Variants in ZFHX4 observed in about 807,000 individuals in gnomAD.
ZFHX4 encodes zinc finger homeobox 4.
Under a neutral mutation model 267.6 loss-of-function variants are expected in ZFHX4, and 56 were observed. The ratio of observed to expected loss-of-function variants is 0.21; its 90% CI spans 0.17 to 0.26. The LOEUF is 0.26. Among genes scored for constraint, ZFHX4 ranks in the 10% least tolerant of loss-of-function variants. The pLI is 1.00. For synonymous variants in ZFHX4, 1,778 were observed against 1,665.6 expected, an observed-to-expected ratio of 1.07 and a Z score of -1.64; for missense variants, 4,332 against 4,420.0, an observed-to-expected ratio of 0.98 and a Z score of 0.56.
chr8:76,722,225 T>A (rs1808741150), intron 3 of ZFHX4, among the ~76,000 whole-genome samples: 2 of 152,068 alleles, frequency 1.3e-5, no homozygotes, highest in Admixed American at 6.6e-5. Flanking sequence ...ACTGTTAAAA[T>A]GAGTTAAGGG....
intron 3 of ZFHX4, chr8:76,733,261 CA>C (rs1173709598): frequency 1.3e-5 from 2 of 152,084 alleles, no homozygotes; most frequent in Non-Finnish European, 2.9e-5. Flanking sequence ...TCAGTTTTGC[CA>C]ATCGTTTTTT....
chr8:76,854,373 C>G lies in ZFHX4; in HGVS notation c.7452C>G (p.Asn2484Lys). 1.9e-6 allele frequency: 3 copies of G among 1,613,918 alleles called. No homozygotes were observed. Among genetic ancestry groups the G allele is most frequent in the Admixed American group, 1.7e-5 (1 of 60,004 alleles). The change falls in exon 10 of 11, where the codon AAC becomes AAG. Residue 2484 changes from asparagine (N) to lysine (K), a missense_variant. Transcript: ENST00000651372. ...PLQISMTSLQNSLPPQLLQYQ... is the reference protein window; with the variant it reads ...PLQISMTSLQKSLPPQLLQYQ... Reference sequence around the variant, plus strand: ...AAATTTCCATGACGTCTCTCCAGAACAGTCTACCTCCACAGTTACTACAAT... The same window carrying G: ...AAATTTCCATGACGTCTCTCCAGAAGAGTCTACCTCCACAGTTACTACAAT...
At chr8:76,824,300 CAG>C (rs1811729576) in intron 4 of ZFHX4, among the ~76,000 whole-genome samples, 5 of 152,150 alleles carry the variant, frequency 3.3e-5, no homozygotes, top group Admixed American at 3.3e-4. Flanking sequence ...GACTGCAACA[CAG>C]GGAATAATCT....
At chr8:76,800,450 T>G (rs1811090203) in intron 4 of ZFHX4, among the ~76,000 whole-genome samples, 1 of 152,174 alleles carries the variant, frequency 6.6e-6, no homozygotes, top group Admixed American at 6.5e-5. Flanking sequence ...TCGGTTTCAC[T>G]TGAAGATAGG....
chr8:76,778,580 ATC>A, intron 4 of ZFHX4, 141 bp downstream of exon 4: 1 of 701,766 alleles, frequency 1.4e-6, no homozygotes, highest in Non-Finnish European at 2.5e-6. Context: ...GCAGCTCTTA[ATC>A]TCTCAGAAAT....
rs534636190 is a variant in ZFHX4, at chr8:76,790,113, G to T, written c.3325+11674G>T. On this transcript the variant is annotated intron_variant, in intron 4 of 10. Transcript: ENST00000651372. ...CAATTTGTTCTGTACATCTGAATGT[G>T]GTTTTAGAAATTGTTTATGTATAAT... 8.5e-5 allele frequency among the ~76,000 whole-genome samples: 13 copies of T among 152,140 alleles called. No individual in the cohort carries two copies. The East Asian group carries it at 1.2e-3, about 14-fold the overall frequency.
intron 3 of ZFHX4, among the ~76,000 whole-genome samples, chr8:76,763,423 G>T (rs1041365388): frequency 6.6e-6 from 1 of 152,194 alleles, no homozygotes; most frequent in African/African-American, 2.4e-5. Context: ...AGGAGTTGGA[G>T]ATCAGGCTGG....
intron 4 of ZFHX4, chr8:76,782,264 A>C: frequency 2.4e-6 from 1 of 409,626 alleles, no homozygotes; most frequent in Non-Finnish European, 4.9e-6. Flanking sequence ...TATGAGGTTT[A>C]GTTTTCTTGA....
intron 4 of ZFHX4, among the ~76,000 whole-genome samples, chr8:76,791,087 A>C (rs926475829): frequency 6.6e-5 from 10 of 152,210 alleles, no homozygotes; most frequent in Admixed American, 6.5e-4. Flanking sequence ...GACAAGTCAG[A>C]AACAGACTGA....
intron 3 of ZFHX4, among the ~76,000 whole-genome samples, chr8:76,747,442 T>A (rs185924705): frequency 8.5e-5 from 13 of 152,234 alleles, no homozygotes; most frequent in African/African-American, 3.1e-4. Flanking sequence ...CACCCTCAGT[T>A]AATTCCCAGT....
At chr8:76,808,525 G>A (rs1811299968) in intron 4 of ZFHX4, among the ~76,000 whole-genome samples, 1 of 152,254 alleles carries the variant, frequency 6.6e-6, no homozygotes, top group East Asian at 1.9e-4. Context: ...TGACTGAATC[G>A]ATAGGAAACC....
rs552641071 is a variant in ZFHX4, at chr8:76,759,278, A to T, written c.3094-18930A>T. Among the ~76,000 whole-genome samples the T allele has an allele frequency of 2.8e-4, 43 of 152,354 alleles. No individual in the cohort carries two copies. In the East Asian group the frequency reaches 7.5e-3, roughly 27 times the overall value. The stretch of plus-strand genomic sequence containing the variant: ...TTTTATAAAGTAAAGGTGATAAAAA[A>T]AATCTATTCCCCCGTTTGCTATTTT... On this transcript the variant is annotated intron_variant, in intron 3 of 10. Transcript: ENST00000651372.
intron 4 of ZFHX4, among the ~76,000 whole-genome samples, chr8:76,829,810 C>G (rs1811886289): frequency 1.3e-5 from 2 of 152,176 alleles, no homozygotes; most frequent in South Asian, 2.1e-4. Flanking sequence ...CAGAGCGAGA[C>G]TCCATTTAAG....
chr8:76,857,835 A>G (rs1812772453), intron 10 of ZFHX4, among the ~76,000 whole-genome samples: 1 of 145,500 alleles, frequency 6.9e-6, no homozygotes, highest in Non-Finnish European at 1.5e-5. Flanking sequence ...TAATGCAATG[A>G]CAGATTTTTT....
intron 4 of ZFHX4, among the ~76,000 whole-genome samples, chr8:76,827,637 A>G (rs181472948): frequency 2.6e-5 from 4 of 152,218 alleles, no homozygotes; most frequent in Non-Finnish European, 5.9e-5. Context: ...CATTAAGAAG[A>G]TGTATAAGTA....
rs1048101308 is a variant in ZFHX4 at position 76,705,911 on chromosome 8, C to T, written c.1823C>T (p.Ser608Leu). The change falls in exon 2 of 11, where the codon TCA (serine) becomes TTA (leucine). Residue 608 changes from serine to leucine, a missense_variant. Ser to Leu is a moderately radical substitution (Grantham distance 145). Coordinates refer to ENST00000651372, the MANE Select transcript of ZFHX4 (RefSeq NM_024721.5). ...ACACCAGGGCCTGGAGGAGACGGCT[C>T]ACCGGGCAGTGGCATCGAGTGTCCA... ...PGTPGPGGDG[S>L]PGSGIECPKC... The T allele has an allele frequency of 1.9e-6, 3 of 1,613,580 alleles. No homozygotes were observed. Among genetic ancestry groups the T allele is most frequent in the African/African-American group, 2.7e-5 (2 of 74,852 alleles).
chr8:76,778,096 C>A (rs906933502), intron 3 of ZFHX4, 112 bp from the exon 4 acceptor site: 5 of 710,740 alleles, frequency 7.0e-6, no homozygotes, highest in Non-Finnish European at 1.0e-5. Context: ...AAGAAAAATG[C>A]ATTTGAGCAT....
chr8:76,800,417 G>C (rs1811089302), intron 4 of ZFHX4, among the ~76,000 whole-genome samples: 1 of 152,116 alleles, frequency 6.6e-6, no homozygotes, highest in Admixed American at 6.5e-5. Context: ...CCTCAGGAGC[G>C]AACTGAAAGG....
At chr8:76,800,248 CA>C (rs1811085225) in intron 4 of ZFHX4, among the ~76,000 whole-genome samples, 1 of 152,070 alleles carries the variant, frequency 6.6e-6, no homozygotes, top group African/African-American at 2.4e-5. Context: ...TTCACCCTAG[CA>C]AGATGGAAAT....
Sources: gnomAD v4.1 joint callset for allele counts (sites outside exome capture counted in the v4.1 genomes callset) on GRCh38, gnomAD v4.1.1 for gene constraint, MANE v1.5 for transcripts, NCBI Gene and HGNC (gene_info 2026-07-23, HGNC 2026-07-21) for gene names.